OSBPL6: variants seen among roughly 807,000 people sequenced by gnomAD.
OSBPL6 encodes the protein oxysterol-binding protein-related protein 6.
A neutral mutation model predicts 125.8 loss-of-function variants in OSBPL6; 49 were observed. The ratio of observed to expected loss-of-function variants is 0.39; its 90% CI spans 0.31 to 0.49. The LOEUF (loss-of-function observed/expected upper bound fraction) is 0.49. Ranked by LOEUF, OSBPL6 falls within the 20% of genes least tolerant of loss-of-function variation. The probability of loss-of-function intolerance (pLI) is 0.88; values close to 1 mark genes in which losing one functional copy is unlikely to be tolerated. For synonymous variants in OSBPL6, 394 were observed against 391.8 expected (o/e 1.01, Z -0.07); for missense variants, 986 against 1,135.4 (o/e 0.87, Z 1.89).
chr2:178,261,313 C>A (rs2092053035), intron 1 of OSBPL6, among the ~76,000 whole-genome samples: 1 of 150,172 alleles, frequency 6.7e-6, no homozygotes, highest in Non-Finnish European at 1.5e-5. Flanking sequence ...GGGTGGTGGT[C>A]ACGTAGTTGT....
intron 4 of OSBPL6, among the ~76,000 whole-genome samples, chr2:178,327,306 A>T (rs924473388): frequency 4.6e-5 from 7 of 152,208 alleles, no homozygotes; most frequent in African/African-American, 1.7e-4. Context: ...TTCATCATCC[A>T]CATGTAGACA....
At chr2:178,211,984 G>A (rs1460496119) in intron 1 of OSBPL6, among the ~76,000 whole-genome samples, 1 of 152,172 alleles carries the variant, frequency 6.6e-6, no homozygotes, top group African/African-American at 2.4e-5. Flanking sequence ...TTTTGGCATA[G>A]GTTCCATTGG....
chr2:178,291,532 G>A (rs531859767), intron 2 of OSBPL6, among the ~76,000 whole-genome samples: 37 of 152,126 alleles, frequency 2.4e-4, no homozygotes, highest in African/African-American at 8.4e-4. Flanking sequence ...GGATACTTAC[G>A]GTACTTGTTT....
At chr2:178,379,436 GAA>G (rs1052541855) in intron 15 of OSBPL6, among the ~76,000 whole-genome samples, 4 of 148,888 alleles carry the variant, frequency 2.7e-5, no homozygotes, top group African/African-American at 9.9e-5. Flanking sequence ...GAAAGAGAAA[GAA>G]GAGAGAAAAG....
chr2:178,380,769 T>C (rs551514587), intron 15 of OSBPL6, among the ~76,000 whole-genome samples: 1 of 152,312 alleles, frequency 6.6e-6, no homozygotes, highest in Admixed American at 6.5e-5. Flanking sequence ...AAACCACCTA[T>C]ATGCTGGTTA....
rs1695908362 is a variant in OSBPL6 at position 178,397,291 on chromosome 2, A to T, written c.*1732A>T. On this transcript the variant is annotated 3_prime_UTR_variant, in exon 25 of 25. Transcript: ENST00000190611. Reference sequence around the variant, plus strand: ...ACAGTCTGCATTAGCTTAGAATGGAATTTCATTCTCAGGTAAATTTTCGAA... The same window carrying T: ...ACAGTCTGCATTAGCTTAGAATGGATTTTCATTCTCAGGTAAATTTTCGAA... The T allele has an allele frequency of 6.6e-6, 1 of 152,216 alleles. No homozygotes were observed. The allele number at this position is 152,216 out of a possible 1,614,324, so 9.4% of individuals were successfully genotyped here.
intron 1 of OSBPL6, among the ~76,000 whole-genome samples, chr2:178,250,953 T>C (rs939002269): frequency 6.6e-6 from 1 of 151,440 alleles, no homozygotes; most frequent in African/African-American, 2.4e-5. Flanking sequence ...CATCAAATAT[T>C]GGAATAAAAA....
rs1688873295 is a variant in OSBPL6, at chr2:178,328,271, G to C, written c.211G>C (p.Glu71Gln). Residue 71 changes from glutamate to glutamine, a missense_variant, in exon 5 of 25, where the codon GAA (glutamate) becomes CAA (glutamine). By Grantham distance (29) the Glu-to-Gln change is conservative. Coordinates refer to ENST00000190611, the MANE Select transcript of OSBPL6 (RefSeq NM_032523.4). ...TTTCTCTCAGGAAGCTGACAGCTGG[G>C]AAATTATAGAAGGGCTGAAAATAGG... ...VPLSKEADSW[E>Q]IIEGLKIGQT... 7 of 1,613,746 alleles carry C rather than the reference G, an allele frequency of 4.3e-6. No individual in the cohort carries two copies. The highest frequency in any genetic ancestry group is 5.9e-6 in the Non-Finnish European group (7 of 1,179,790).
intron 1 of OSBPL6, among the ~76,000 whole-genome samples, chr2:178,227,941 A>C (rs1255351625): frequency 6.6e-6 from 1 of 152,154 alleles, no homozygotes; most frequent in African/African-American, 2.4e-5. Context: ...TGTGTGAATG[A>C]GGGCAGCCTT....
chr2:178,235,398 C>CTTTTTTTTTTTTTTTTTTT (rs540269327), intron 1 of OSBPL6, among the ~76,000 whole-genome samples: 2 of 78,040 alleles, frequency 2.6e-5, no homozygotes, highest in Non-Finnish European at 4.9e-5. Flanking sequence ...CTTTTCTTTT[C>CTTTTTTTTTTTTTTTTTTT]TTTTTTTTTT....
intron 1 of OSBPL6, among the ~76,000 whole-genome samples, chr2:178,196,805 G>C (rs149766912): frequency 6.6e-6 from 1 of 152,284 alleles, no homozygotes; most frequent in East Asian, 1.9e-4. Context: ...TTGCTGCAAA[G>C]GTTAGGTCAT....
chr2:178,313,810 GGCCAT>G (rs1687505368), intron 3 of OSBPL6, among the ~76,000 whole-genome samples: 1 of 152,136 alleles, frequency 6.6e-6, no homozygotes, highest in Non-Finnish European at 1.5e-5. Context: ...GACATATTAA[GGCCAT>G]CCCCAGCAGT....
intron 5 of OSBPL6, among the ~76,000 whole-genome samples, chr2:178,330,016 G>A (rs560113680): frequency 2.6e-5 from 4 of 152,300 alleles, no homozygotes; most frequent in East Asian, 3.9e-4. Flanking sequence ...GATCTTTCCT[G>A]AACCCATAAT....
chr2:178,306,921 G>A (rs1344322512), intron 3 of OSBPL6, among the ~76,000 whole-genome samples: 1 of 152,174 alleles, frequency 6.6e-6, no homozygotes, highest in Non-Finnish European at 1.5e-5. Context: ...AGGGTTATGT[G>A]AGCCTTCATC....
Position 178,239,981 on chromosome 2 carries a change from A to G in OSBPL6, c.-350-44946A>G, listed in dbSNP as rs550751713. On this transcript the variant is annotated intron_variant, in intron 1 of 24. Transcript: ENST00000190611. ...TTAATACTTTGTTACACACAAATTT[A>G]AGTATATTTTATTTTGATTTTTCAT... is the stretch of plus-strand genomic sequence containing the variant. Among the ~76,000 whole-genome samples, 5 of 152,242 alleles carry G rather than the reference A, an allele frequency of 3.3e-5. No individual in the cohort carries two copies. In the South Asian group the frequency reaches 8.3e-4, roughly 25 times the overall value.
intron 1 of OSBPL6, among the ~76,000 whole-genome samples, chr2:178,256,203 C>A (rs1358826622): frequency 2.0e-5 from 3 of 152,196 alleles, no homozygotes; most frequent in Non-Finnish European, 4.4e-5. Flanking sequence ...GCAGCACACT[C>A]CCTTAGCAAA....
intron 8 of OSBPL6, 85 bp from the exon 9 acceptor site, chr2:178,336,216 A>T: frequency 6.8e-7 from 1 of 1,471,346 alleles, no homozygotes; most frequent in African/African-American, 1.4e-5. Context: ...TCTCTTTGTT[A>T]ATACGGTTTT....
intron 1 of OSBPL6, among the ~76,000 whole-genome samples, chr2:178,219,834 A>T (rs1338645585): frequency 6.6e-6 from 1 of 152,152 alleles, no homozygotes. Context: ...GTGGACAATA[A>T]ATCCTAGCAG....
intron 17 of OSBPL6, among the ~76,000 whole-genome samples, chr2:178,383,633 A>G (rs550586306): frequency 1.3e-5 from 2 of 152,344 alleles, no homozygotes; most frequent in African/African-American, 4.8e-5. Context: ...ACTTCTGTTT[A>G]TACTTCACCC....
Sources: gnomAD v4.1 joint callset for allele counts (sites outside exome capture counted in the v4.1 genomes callset) on GRCh38, gnomAD v4.1.1 for gene constraint, MANE v1.5 for transcripts, NCBI Gene and HGNC (gene_info 2026-07-23, HGNC 2026-07-21) for gene names.